TNIK: variants seen among roughly 807,000 people sequenced by gnomAD.
TNIK encodes the protein TRAF2 and NCK interacting kinase, also known as TRAF2 and NCK-interacting protein kinase.
A neutral mutation model predicts 191.3 loss-of-function variants in TNIK; 49 were observed. The ratio of observed to expected loss-of-function variants is 0.26; its 90% CI spans 0.20 to 0.32. The LOEUF (loss-of-function observed/expected upper bound fraction) is 0.32. Among genes scored for constraint, TNIK ranks in the 10% least tolerant of loss-of-function variants. The probability of loss-of-function intolerance (pLI) is 1.00; values close to 1 mark genes in which losing one functional copy is unlikely to be tolerated. For synonymous variants in TNIK, 594 were observed against 600.9 expected (o/e 0.99, Z 0.17); for missense variants, 1,155 against 1,702.3 (o/e 0.68, Z 5.66).
intron 23 of TNIK, among the ~76,000 whole-genome samples, chr3:171,089,414 T>C (rs1191511043): frequency 6.6e-6 from 1 of 152,208 alleles, no homozygotes; most frequent in African/African-American, 2.4e-5. Context: ...TTAAACATTT[T>C]CCCCAAACCT....
At chr3:171,157,725 GC>G (rs1315433914) in intron 11 of TNIK, 61 bp from the exon 12 acceptor site, 1 of 1,514,114 alleles carries the variant, frequency 6.6e-7, no homozygotes, top group Non-Finnish European at 9.0e-7. Context: ...CTACCAAGAG[GC>G]CTTGGAGGAG....
chr3:171,237,738 A>G lies in TNIK; in HGVS notation c.124-9517T>C, dbSNP rs547190201. 7.2e-5 allele frequency among the ~76,000 whole-genome samples: 11 copies of G among 152,288 alleles called. No homozygotes were observed. In the South Asian group the frequency reaches 2.3e-3, roughly 32 times the overall value. On this transcript the variant is annotated intron_variant, in intron 2 of 32. Transcript: ENST00000436636. ...GGAACTCGAGACCAGCCTGAGCAATATAGTGAGACCCCGTCTCTATAAAAA... is the reference window on the plus strand; with the variant it reads ...GGAACTCGAGACCAGCCTGAGCAATGTAGTGAGACCCCGTCTCTATAAAAA...
chr3:171,157,625 C>G lies in TNIK; in HGVS notation c.1056G>C (p.Arg352Ser). 1 of 1,556,660 alleles carries G rather than the reference C, an allele frequency of 6.4e-7. No individual in the cohort carries two copies. The highest frequency in any genetic ancestry group is 8.7e-7 in the Non-Finnish European group (1 of 1,150,202). ...TGGCCAGCTGCAGCCTCAGAAAGTCCCTCCGCAGCGTCGACTCCCCTGGCA... is the reference window on the plus strand; with the variant it reads ...TGGCCAGCTGCAGCCTCAGAAAGTCGCTCCGCAGCGTCGACTCCCCTGGCA... ...LNLPGESTLR[R>S]DFLRLQLANK... The change falls in exon 12 of 33, where the codon AGG becomes AGC. Residue 352 changes from arginine to serine, a missense_variant. Arg to Ser is a moderately radical substitution (Grantham distance 110). Coordinates refer to ENST00000436636, the MANE Select transcript of TNIK (RefSeq NM_015028.4).
rs377161582 is a variant in TNIK at position 171,068,820 on chromosome 3, C to G, written c.3699+28G>C. The G allele has an allele frequency of 6.2e-6, 10 of 1,600,010 alleles. No homozygotes were observed. In the African/African-American group the frequency reaches 1.1e-4, roughly 17 times the overall value. ...ACATGCAGGCTGTTGTACAGAGAGC[C>G]CTTGAAAGTCTACTTCTGAGTACTT... On this transcript the variant is annotated intron_variant, in intron 30 of 32. Coordinates refer to ENST00000436636, the MANE Select transcript of TNIK (RefSeq NM_015028.4).
At chr3:171,341,227 C>A (rs925838998) in intron 2 of TNIK, among the ~76,000 whole-genome samples, 1 of 152,068 alleles carries the variant, frequency 6.6e-6, no homozygotes, top group African/African-American at 2.4e-5. Context: ...AATCCCAGCA[C>A]TTTGGGAGGC....
rs2108726179 is a variant in TNIK, at chr3:171,159,335, G to A, written c.1017-1671C>T. 6.6e-6 allele frequency among the ~76,000 whole-genome samples: 1 copy of A among 152,140 alleles called. No homozygotes were observed. The highest frequency in any genetic ancestry group is 1.9e-4 in the East Asian group (1 of 5,196). The stretch of plus-strand genomic sequence containing the variant: ...ACGGTGGTAACGAGAACAGGAATGA[G>A]GAATGCTGAGGGAGGAGCAAGTTTC... On this transcript the variant is annotated intron_variant, in intron 11 of 32. Transcript: ENST00000436636. The surrounding 1 kb of genome is among the most constrained non-coding windows in gnomAD (Gnocchi z 4.1).
In TNIK at chr3:171,311,196, C is replaced by T. The variant is rs1015762675; in HGVS notation, c.123+58424G>A. ...TTCCCATTCAAAGTTTGTTAATAGA[C>T]GGGAAAGAAAATTCAACTCATAATA... On this transcript the variant is annotated intron_variant, in intron 2 of 32. Coordinates refer to ENST00000436636, the MANE Select transcript of TNIK (RefSeq NM_015028.4). Among the ~76,000 whole-genome samples, 9 of 152,074 alleles carry T rather than the reference C, an allele frequency of 5.9e-5. No homozygotes were observed. The East Asian group carries it at 7.7e-4, about 13-fold the overall frequency.
chr3:171,192,080 T>G (rs1001462192), intron 5 of TNIK, among the ~76,000 whole-genome samples: 1 of 152,160 alleles, frequency 6.6e-6, no homozygotes, highest in African/African-American at 2.4e-5. Context: ...AAATTCAGCA[T>G]GAGAGTACAG....
At chr3:171,404,793 C>T (rs1186882599) in intron 1 of TNIK, among the ~76,000 whole-genome samples, 1 of 152,268 alleles carries the variant, frequency 6.6e-6, no homozygotes, top group East Asian at 1.9e-4. Context: ...ATTGACAGAA[C>T]TTGGAGCAGA....
intron 2 of TNIK, among the ~76,000 whole-genome samples, chr3:171,264,347 C>CAT (rs1455664066): frequency 6.6e-6 from 1 of 151,800 alleles, no homozygotes; most frequent in African/African-American, 2.4e-5. Context: ...CACACACACA[C>CAT]ACACATATAT....
intron 7 of TNIK, among the ~76,000 whole-genome samples, chr3:171,183,023 C>T (rs369309479): frequency 7.2e-5 from 11 of 152,274 alleles, no homozygotes; most frequent in East Asian, 1.9e-4. Context: ...GGGTATTCAA[C>T]GAATGTGGGT....
At chr3:171,420,998 C>T (rs78234014) in intron 1 of TNIK, among the ~76,000 whole-genome samples, 5,917 of 152,178 alleles carry the variant, frequency 0.039, 163 homozygotes, top group Middle Eastern at 0.12. Context: ...ATTTTCAGAT[C>T]GTGGTTGACT....
chr3:171,131,173 C>G (rs1208736940), intron 15 of TNIK, among the ~76,000 whole-genome samples: 1 of 150,976 alleles, frequency 6.6e-6, no homozygotes, highest in Non-Finnish European at 1.5e-5. Context: ...CCCGTCTCTA[C>G]TAAAAATACA....
intron 22 of TNIK, among the ~76,000 whole-genome samples, chr3:171,096,570 C>G (rs1360177027): frequency 6.6e-6 from 1 of 152,132 alleles, no homozygotes; most frequent in Non-Finnish European, 1.5e-5. Flanking sequence ...TAGAAAATCC[C>G]TGGTGACTTT....
intron 2 of TNIK, among the ~76,000 whole-genome samples, chr3:171,271,731 A>G (rs1749125880): frequency 6.6e-6 from 1 of 152,222 alleles, no homozygotes. Context: ...AAATCCAGAA[A>G]TGTGCCTAGA....
At chr3:171,192,317 A>G (rs1738159447) in intron 5 of TNIK, among the ~76,000 whole-genome samples, 1 of 152,162 alleles carries the variant, frequency 6.6e-6, no homozygotes, top group African/African-American at 2.4e-5. Context: ...TTCACTACTG[A>G]AGTGGTTGAA....
chr3:171,399,379 CCAAA>C (rs2108570235), intron 1 of TNIK, among the ~76,000 whole-genome samples: 1 of 152,206 alleles, frequency 6.6e-6, no homozygotes, highest in African/African-American at 2.4e-5. Flanking sequence ...TAGCTGGAGG[CCAAA>C]CAATCACAAG....
intron 2 of TNIK, among the ~76,000 whole-genome samples, chr3:171,326,779 GTTTAA>G (rs937055973): frequency 8.5e-5 from 13 of 152,280 alleles, no homozygotes; most frequent in African/African-American, 2.9e-4. Context: ...TAATAATATT[GTTTAA>G]TTTATTTGTT....
chr3:171,225,129 G>A (rs1742810927), intron 3 of TNIK, among the ~76,000 whole-genome samples: 1 of 152,102 alleles, frequency 6.6e-6, no homozygotes, highest in Non-Finnish European at 1.5e-5. Flanking sequence ...TTTTAACAGA[G>A]CAACCATAAT....
Sources: allele counts gnomAD v4.1 joint callset (sites outside exome capture counted in the v4.1 genomes callset), GRCh38; gene constraint gnomAD v4.1.1; non-coding constraint Gnocchi (gnomAD v3.1); transcripts MANE v1.5; gene names NCBI Gene and HGNC (gene_info 2026-07-23, HGNC 2026-07-21).